Variants in IMMP2L observed in about 807,000 individuals in gnomAD.
The protein encoded by IMMP2L is inner mitochondrial membrane peptidase subunit 2.
Under a neutral mutation model 19.3 loss-of-function variants are expected in IMMP2L, and 18 were observed. The ratio of observed to expected loss-of-function variants is 0.93; its 90% CI spans 0.64 to 1.38. The LOEUF is 1.38. Ranked by LOEUF, IMMP2L falls within the 40% of genes most tolerant of loss-of-function variation. The pLI, the probability that IMMP2L is intolerant of heterozygous loss-of-function variation, is 0.00. For synonymous variants in IMMP2L, 76 were observed against 73.0 expected, an observed-to-expected ratio of 1.04 and a Z score of -0.21; for missense variants, 233 against 218.2, an observed-to-expected ratio of 1.07 and a Z score of -0.43.
At chr7:111,297,142 T>C (rs1821723318) in intron 3 of IMMP2L, among the ~76,000 whole-genome samples, 1 of 152,044 alleles carries the variant, frequency 6.6e-6, no homozygotes, top group African/African-American at 2.4e-5. Context: ...TTGATTATGG[T>C]GGTGTTTGCA....
chr7:110,764,626 A>C (rs1798548924), intron 5 of IMMP2L, among the ~76,000 whole-genome samples: 1 of 152,148 alleles, frequency 6.6e-6, no homozygotes, highest in African/African-American at 2.4e-5. Context: ...ACATTTTGAA[A>C]TATTTGCTCA....
At chr7:110,868,610 A>G (rs182134082) in intron 5 of IMMP2L, among the ~76,000 whole-genome samples, 25 of 152,226 alleles carry the variant, frequency 1.6e-4, no homozygotes, top group Admixed American at 7.2e-4. Flanking sequence ...AAAGATTACT[A>G]AAACATTTTC....
chr7:111,549,244 A>G (rs2133067532), intron 1 of IMMP2L, among the ~76,000 whole-genome samples: 1 of 152,306 alleles, frequency 6.6e-6, no homozygotes, highest in African/African-American at 2.4e-5. Flanking sequence ...CATTAACCGA[A>G]CAATTCCCCA....
chr7:110,912,606 TGGGGGTAGGATAATGGGGCAA>T (rs1813175923), intron 4 of IMMP2L, among the ~76,000 whole-genome samples: 2 of 151,682 alleles, frequency 1.3e-5, no homozygotes, highest in Admixed American at 1.3e-4. Context: ...TTTTACTTCA[TGGGGGTAGGATAATGGGGCAA>T]TTTTACAAAG....
chr7:111,134,048 G>C (rs1400135280), intron 3 of IMMP2L, among the ~76,000 whole-genome samples: 1 of 151,972 alleles, frequency 6.6e-6, no homozygotes, highest in Admixed American at 6.6e-5. Flanking sequence ...GTATATAGAA[G>C]CCCAAATGTA....
At chr7:111,416,740 T>C (rs1044173056) in intron 3 of IMMP2L, among the ~76,000 whole-genome samples, 1 of 151,738 alleles carries the variant, frequency 6.6e-6, no homozygotes, top group Non-Finnish European at 1.5e-5. Flanking sequence ...GCCAGCATAA[T>C]ATTTGTCCAT....
At chr7:111,539,196 G>GAA (rs1848235484) in intron 1 of IMMP2L, among the ~76,000 whole-genome samples, 3 of 30,052 alleles carry the variant, frequency 1.0e-4, no homozygotes, top group African/African-American at 3.3e-4. Flanking sequence ...AGGAAGGAGG[G>GAA]AGAAAGAAAG....
At chr7:110,893,639 A>G (rs1193099334) in intron 4 of IMMP2L, among the ~76,000 whole-genome samples, 1 of 152,150 alleles carries the variant, frequency 6.6e-6, no homozygotes, top group Non-Finnish European at 1.5e-5. Context: ...GGTATATTAC[A>G]TGATGCTGAG....
intron 4 of IMMP2L, among the ~76,000 whole-genome samples, chr7:110,920,214 T>G (rs1293203146): frequency 6.6e-6 from 1 of 152,180 alleles, no homozygotes; most frequent in Non-Finnish European, 1.5e-5. Context: ...TGTGATCACG[T>G]GAGTCAATAC....
chr7:110,903,149 C>T (rs1456739389), intron 4 of IMMP2L, among the ~76,000 whole-genome samples: 1 of 152,056 alleles, frequency 6.6e-6, no homozygotes, highest in Non-Finnish European at 1.5e-5. Context: ...AGAGTGGCAC[C>T]CTTGCTTGCC....
chr7:111,332,490 T>C (rs1199964957), intron 3 of IMMP2L, among the ~76,000 whole-genome samples: 1 of 151,890 alleles, frequency 6.6e-6, no homozygotes, highest in African/African-American at 2.4e-5. Context: ...ATATTAAATA[T>C]AAATATCTAT....
chr7:110,669,077 G>GTATA (rs1791693510), intron 5 of IMMP2L, among the ~76,000 whole-genome samples: 1 of 93,326 alleles, frequency 1.1e-5, no homozygotes, highest in African/African-American at 6.0e-5. Flanking sequence ...GTGTGTGTGT[G>GTATA]TGTGTGTGTG....
intron 3 of IMMP2L, among the ~76,000 whole-genome samples, chr7:111,446,374 T>A (rs1055975207): frequency 4.8e-5 from 7 of 145,964 alleles, no homozygotes; most frequent in Admixed American, 1.3e-4. Context: ...ACAGGCAGAC[T>A]GCCTCCTCAA....
rs1187278676 is a variant in IMMP2L at position 111,391,994 on chromosome 7, C to T, written c.239+95244G>A. ...TTGGCAACAGAGGTTCAGAAAGTGT[C>T]TCCTTGCTTCAATGTCCTCTCCTAC... On this transcript the variant is annotated intron_variant, in intron 3 of 5. Transcript: ENST00000405709. 4.3e-6 allele frequency: 3 copies of T among 702,966 alleles called. No individual in the cohort carries two copies. In the Admixed American group the frequency reaches 6.0e-5, roughly 14 times the overall value. 43.5% of individuals were successfully genotyped at this position (702,966 alleles called of 1,614,324 possible).
At chr7:111,277,556 T>C (rs1173773204) in intron 3 of IMMP2L, among the ~76,000 whole-genome samples, 2 of 135,416 alleles carry the variant, frequency 1.5e-5, no homozygotes, top group Admixed American at 7.8e-5. Flanking sequence ...GACAGGGACC[T>C]TGTCTCATTT....
At chr7:110,875,395 T>C (rs931761607) in intron 5 of IMMP2L, among the ~76,000 whole-genome samples, 1 of 151,948 alleles carries the variant, frequency 6.6e-6, no homozygotes, top group Non-Finnish European at 1.5e-5. Flanking sequence ...TTTGTGTTTG[T>C]GTTTTTTTTG....
chr7:111,405,596 A>T (rs529450227), intron 3 of IMMP2L, among the ~76,000 whole-genome samples: 1 of 152,276 alleles, frequency 6.6e-6, no homozygotes, highest in East Asian at 1.9e-4. Flanking sequence ...TTATGCACTT[A>T]AAAACATAGT....
intron 3 of IMMP2L, among the ~76,000 whole-genome samples, chr7:111,121,027 CA>C (rs1800545526): frequency 6.6e-6 from 1 of 150,480 alleles, no homozygotes; most frequent in African/African-American, 2.4e-5. Context: ...GAAAATATAA[CA>C]AATAAAATTA....
At chr7:111,228,655 T>A (rs560868092) in intron 3 of IMMP2L, among the ~76,000 whole-genome samples, 1 of 152,020 alleles carries the variant, frequency 6.6e-6, no homozygotes, top group Non-Finnish European at 1.5e-5. Context: ...TTGGTGAGTT[T>A]TGTATGAAAT....
Sources: gnomAD v4.1 joint callset for allele counts (sites outside exome capture counted in the v4.1 genomes callset) on GRCh38, gnomAD v4.1.1 for gene constraint, MANE v1.5 for transcripts, NCBI Gene and HGNC (gene_info 2026-07-23, HGNC 2026-07-21) for gene names.